UBA2: variants seen among roughly 807,000 people sequenced by gnomAD.
The protein encoded by UBA2 is ubiquitin like modifier activating enzyme 2, also known as SUMO-activating enzyme subunit 2.
A neutral mutation model predicts 77.2 loss-of-function variants in UBA2; 11 were observed. That is an observed-to-expected ratio of 0.14 (90% CI 0.09 to 0.24). The LOEUF (loss-of-function observed/expected upper bound fraction) is 0.24. Ranked by LOEUF, UBA2 falls within the 10% of genes least tolerant of loss-of-function variation. The probability of loss-of-function intolerance (pLI) is 1.00; values close to 1 mark genes in which losing one functional copy is unlikely to be tolerated. For synonymous variants in UBA2, 278 were observed against 276.7 expected, an observed-to-expected ratio of 1.00 and a Z score of -0.05; for missense variants, 487 against 781.7, an observed-to-expected ratio of 0.62 and a Z score of 4.50.
At chr19:34,444,304 C>G (rs936487146) in intron 7 of UBA2, among the ~76,000 whole-genome samples, 1 of 151,996 alleles carries the variant, frequency 6.6e-6, no homozygotes, top group African/African-American at 2.4e-5. Flanking sequence ...GTGATCCACC[C>G]GCCTTGGCCT....
intron 14 of UBA2, among the ~76,000 whole-genome samples, chr19:34,460,798 C>A (rs1048903814): frequency 6.6e-6 from 1 of 152,172 alleles, no homozygotes; most frequent in Non-Finnish European, 1.5e-5. Context: ...TTCCAAGGAA[C>A]CTCCTTGCCG....
At chr19:34,461,785 A>G (rs1033739430) in intron 14 of UBA2, among the ~76,000 whole-genome samples, 2 of 152,140 alleles carry the variant, frequency 1.3e-5, no homozygotes, top group Non-Finnish European at 1.5e-5. Context: ...GAGATTGTCA[A>G]CAGCTGGATT....
intron 6 of UBA2, among the ~76,000 whole-genome samples, chr19:34,443,522 A>G (rs915354174): frequency 3.4e-5 from 5 of 147,114 alleles, no homozygotes; most frequent in Non-Finnish European, 7.5e-5. Flanking sequence ...GCTCACTGCA[A>G]CCTCCATCTC....
rs1216948034 is a variant in UBA2 at position 34,434,974 on chromosome 19, G to T, written c.459+6G>T. On this transcript the variant is annotated splice_donor_region_variant and intron_variant, in intron 5 of 16. Coordinates refer to ENST00000246548, the MANE Select transcript of UBA2 (RefSeq NM_005499.3). ...AAGTAACTACTATCAAAAAGGTAAA[G>T]AAAAGTTTTATTTTTTTAACTTCCC... is the stretch of plus-strand genomic sequence containing the variant. The T allele has an allele frequency of 1.3e-6, 2 of 1,577,438 alleles. No individual in the cohort carries two copies. Among genetic ancestry groups the T allele is most frequent in the South Asian group, 1.2e-5 (1 of 85,884 alleles).
At chr19:34,442,234 C>G (rs934514260) in intron 6 of UBA2, among the ~76,000 whole-genome samples, 3 of 152,016 alleles carry the variant, frequency 2.0e-5, no homozygotes, top group Non-Finnish European at 4.4e-5. Flanking sequence ...CCCTGTCACA[C>G]ACACAAAAAA....
rs1295187108 is a variant in UBA2, at chr19:34,430,476, AG to A, written c.139-99del. 6.6e-6 allele frequency: 5 copies of A among 761,076 alleles called. No homozygotes were observed. The East Asian group carries it at 1.3e-4, about 20-fold the overall frequency. 47.1% of individuals were successfully genotyped at this position (761,076 alleles called of 1,614,324 possible). A position where few individuals can be genotyped will look rare whatever the true frequency, so the allele number is the denominator to read the frequency against. ...CGAAAAACGCTTTCTCCACTAATGTAGCAGATATCAAAAGTTCTGGATTACA... is the reference window on the plus strand; with the variant it reads ...CGAAAAACGCTTTCTCCACTAATGTACAGATATCAAAAGTTCTGGATTACA... On this transcript the variant is annotated intron_variant, in intron 1 of 16. Transcript: ENST00000246548.
At chr19:34,428,674 G>C in intron 1 of UBA2, 104 bp downstream of exon 1, 1 of 1,218,380 alleles carries the variant, frequency 8.2e-7, no homozygotes, top group Non-Finnish European at 1.0e-6. Context: ...CCCGGAGCCC[G>C]GGACCGGAGT....
intron 7 of UBA2, 67 bp downstream of exon 7, chr19:34,443,978 G>T: frequency 1.8e-6 from 2 of 1,101,572 alleles, no homozygotes; most frequent in Non-Finnish European, 2.7e-6. Flanking sequence ...TTTAATTTTG[G>T]TAGCTTAAGG....
intron 8 of UBA2, among the ~76,000 whole-genome samples, chr19:34,448,117 G>T (rs1235114460): frequency 6.6e-6 from 1 of 152,148 alleles, no homozygotes; most frequent in Admixed American, 6.6e-5. Flanking sequence ...ACTATAAGGG[G>T]ATAGAGGGGA....
chr19:34,446,530 G>T (rs758635739), intron 8 of UBA2, among the ~76,000 whole-genome samples: 2 of 151,624 alleles, frequency 1.3e-5, no homozygotes, highest in Non-Finnish European at 2.9e-5. Context: ...TTAATCAAAT[G>T]ACATACTGCT....
At chr19:34,462,782 A>G (rs1209571084) in intron 14 of UBA2, among the ~76,000 whole-genome samples, 3 of 152,176 alleles carry the variant, frequency 2.0e-5, no homozygotes, top group Admixed American at 1.3e-4. Flanking sequence ...CCTGGCCAAC[A>G]TGGCAAAACC....
At position 34,460,464 on chromosome 19, in the gene UBA2, T is replaced by C; in HGVS notation, c.1402-6T>C. On this transcript the variant is annotated splice_region_variant and splice_polypyrimidine_tract_variant and intron_variant, in intron 13 of 16. Coordinates refer to ENST00000246548, the MANE Select transcript of UBA2 (RefSeq NM_005499.3). ...ATATTTTGAATCCTTTTTTTTTTTT[T>C]TGTAGATAGTGAAAGAAAAATTTGC... is the stretch of plus-strand genomic sequence containing the variant. The C allele has an allele frequency of 6.5e-7, 1 of 1,534,718 alleles. No homozygotes were observed. Among genetic ancestry groups the C allele is most frequent in the South Asian group, 1.2e-5 (1 of 81,156 alleles).
intron 8 of UBA2, among the ~76,000 whole-genome samples, chr19:34,447,012 A>G (rs1479153199): frequency 1.3e-5 from 2 of 152,172 alleles, no homozygotes; most frequent in Non-Finnish European, 2.9e-5. Flanking sequence ...AATAGGATAG[A>G]TATATACAAA....
Position 34,438,006 on chromosome 19 carries a change from A to G in UBA2, c.460-639A>G, listed in dbSNP as rs2075328213. On this transcript the variant is annotated intron_variant, in intron 5 of 16. Coordinates refer to ENST00000246548, the MANE Select transcript of UBA2 (RefSeq NM_005499.3). Reference sequence around the variant, plus strand: ...GGAGGCGGAGATTGCAGCCAAGATTATGCCACTGTACTCCAGCCAGGGTGA... The same window carrying G: ...GGAGGCGGAGATTGCAGCCAAGATTGTGCCACTGTACTCCAGCCAGGGTGA... 9.2e-5 allele frequency among the ~76,000 whole-genome samples: 14 copies of G among 152,242 alleles called. No individual in the cohort carries two copies. In the South Asian group the frequency reaches 2.9e-3, roughly 32 times the overall value.
chr19:34,462,647 G>T (rs545509450), intron 14 of UBA2, among the ~76,000 whole-genome samples: 1 of 152,062 alleles, frequency 6.6e-6, no homozygotes, highest in Non-Finnish European at 1.5e-5. Context: ...AAAAAAAAGT[G>T]GGGGGAGACT....
intron 14 of UBA2, among the ~76,000 whole-genome samples, chr19:34,463,288 C>T (rs1032478190): frequency 8.6e-5 from 13 of 152,024 alleles, no homozygotes; most frequent in African/African-American, 1.2e-4. Flanking sequence ...TCAGTTTGGT[C>T]CCCCTGAAGT....
At chr19:34,431,752 A>C in intron 2 of UBA2, 109 bp from the exon 3 acceptor site, 1 of 901,028 alleles carries the variant, frequency 1.1e-6, no homozygotes, top group East Asian at 2.5e-5. Flanking sequence ...TTTGGTGTTT[A>C]ATATAAATAA....
intron 16 of UBA2, 27 bp downstream of exon 16, chr19:34,467,041 G>A: frequency 1.2e-6 from 2 of 1,603,042 alleles, no homozygotes; most frequent in East Asian, 2.2e-5. Flanking sequence ...CCAGCAGGTT[G>A]TTAAATACCC....
intron 9 of UBA2, among the ~76,000 whole-genome samples, chr19:34,450,802 G>T (rs983883320): frequency 7.2e-6 from 1 of 138,104 alleles, no homozygotes; most frequent in East Asian, 2.2e-4. Flanking sequence ...AGGCTGGAGC[G>T]CAGTGGCACG....
Sources: allele counts gnomAD v4.1 joint callset (sites outside exome capture counted in the v4.1 genomes callset), GRCh38; gene constraint gnomAD v4.1.1; transcripts MANE v1.5; gene names NCBI Gene and HGNC (gene_info 2026-07-23, HGNC 2026-07-21).